The following CSMD3 variants were observed in gnomAD, a reference collection of about 807,000 sequenced individuals.
CSMD3 encodes the protein CUB and sushi domain-containing protein 3.
A neutral mutation model predicts 435.2 loss-of-function variants in CSMD3; 177 were observed. That is an observed-to-expected ratio of 0.41 (90% confidence interval 0.36 to 0.46). The LOEUF (loss-of-function observed/expected upper bound fraction) is 0.46. CSMD3 is among the 20% of genes least tolerant of loss of function. CSMD3 has a pLI of 0.34. For synonymous variants in CSMD3, 1,656 were observed against 1,520.5 expected (o/e 1.09, Z -2.07); for missense variants, 4,265 against 4,504.6 (o/e 0.95, Z 1.52).
At chr8:112,433,028 G>A (rs1005650624) in intron 32 of CSMD3, among the ~76,000 whole-genome samples, 6 of 151,930 alleles carry the variant, frequency 3.9e-5, no homozygotes, top group Non-Finnish European at 8.8e-5. Context: ...ACTATTAACT[G>A]AGATCAAATT....
intron 13 of CSMD3, among the ~76,000 whole-genome samples, chr8:112,776,462 A>G (rs1036198726): frequency 6.6e-6 from 1 of 151,770 alleles, no homozygotes; most frequent in Non-Finnish European, 1.5e-5. Flanking sequence ...GATATAATTT[A>G]CTTTCTTTCA....
chr8:113,019,210 T>G (rs1564214875), intron 5 of CSMD3, 31 bp from the exon 6 acceptor site: 6 of 1,446,278 alleles, frequency 4.1e-6, no homozygotes, highest in South Asian at 1.1e-5. Context: ...ACAAAAAAAT[T>G]TAAAAAGCTT....
chr8:113,009,503 T>C lies in CSMD3; in HGVS notation c.1030+9564A>G, dbSNP rs571410192. Reference sequence around the variant, plus strand: ...CTTAGCTTCTATGGCCATTTCCTGCTACTAAAACATCTGCTTTGAAAAAAA... The same window carrying C: ...CTTAGCTTCTATGGCCATTTCCTGCCACTAAAACATCTGCTTTGAAAAAAA... On this transcript the variant is annotated intron_variant, in intron 6 of 70. Coordinates refer to ENST00000297405, the MANE Select transcript of CSMD3 (RefSeq NM_198123.2). Among the ~76,000 whole-genome samples, 8 of 151,952 alleles carry C rather than the reference T, an allele frequency of 5.3e-5. No individual in the cohort carries two copies. The South Asian group carries it at 1.7e-3, about 31-fold the overall frequency.
At chr8:112,467,958 A>G (rs1383881354) in intron 32 of CSMD3, among the ~76,000 whole-genome samples, 1 of 152,140 alleles carries the variant, frequency 6.6e-6, no homozygotes, top group African/African-American at 2.4e-5. Flanking sequence ...AAATGAAGCC[A>G]CTAAGCCTGT....
At chr8:112,274,131 G>C (rs1429007605) in intron 59 of CSMD3, among the ~76,000 whole-genome samples, 1 of 151,378 alleles carries the variant, frequency 6.6e-6, no homozygotes, top group Non-Finnish European at 1.5e-5. Context: ...TTCTAAGTAA[G>C]TAAGAGGAAT....
intron 22 of CSMD3, among the ~76,000 whole-genome samples, chr8:112,622,769 G>C (rs1347778863): frequency 2.0e-5 from 3 of 152,154 alleles, no homozygotes; most frequent in Non-Finnish European, 4.4e-5. Context: ...TACTGGAGAT[G>C]ATGATGATAG....
chr8:113,408,694 G>T (rs1182788722), intron 1 of CSMD3, among the ~76,000 whole-genome samples: 1 of 148,624 alleles, frequency 6.7e-6, no homozygotes, highest in African/African-American at 2.5e-5. Context: ...TGCTCGCTCT[G>T]TTGTTCAGGT....
chr8:113,433,003 A>T (rs1002125329), intron 1 of CSMD3, among the ~76,000 whole-genome samples: 4 of 152,156 alleles, frequency 2.6e-5, no homozygotes, highest in African/African-American at 9.7e-5. Flanking sequence ...TGTCCATGAA[A>T]ATTCAGGGAG....
At chr8:112,370,107 G>T (rs929355182) in intron 38 of CSMD3, among the ~76,000 whole-genome samples, 1 of 147,496 alleles carries the variant, frequency 6.8e-6, no homozygotes, top group African/African-American at 2.6e-5. Flanking sequence ...TAGTAGTCAG[G>T]TATTTGTATA....
At chr8:113,374,294 A>C (rs1220786611) in intron 1 of CSMD3, among the ~76,000 whole-genome samples, 1 of 152,110 alleles carries the variant, frequency 6.6e-6, no homozygotes, top group Admixed American at 6.5e-5. Context: ...TAAGATTTAA[A>C]ATAAAAATTT....
At chr8:113,254,139 A>G (rs891897628) in intron 3 of CSMD3, among the ~76,000 whole-genome samples, 1 of 151,632 alleles carries the variant, frequency 6.6e-6, no homozygotes, top group East Asian at 2.0e-4. Flanking sequence ...TCTCAATGTC[A>G]TGCTGTACAT....
chr8:113,327,863 G>T (rs997857905), intron 1 of CSMD3, among the ~76,000 whole-genome samples: 5 of 152,010 alleles, frequency 3.3e-5, no homozygotes, highest in African/African-American at 4.8e-5. Flanking sequence ...AACATAAAAG[G>T]AAGGTCTGGG....
chr8:112,934,767 G>A (rs1231285029), intron 9 of CSMD3, among the ~76,000 whole-genome samples: 1 of 152,122 alleles, frequency 6.6e-6, no homozygotes, highest in Non-Finnish European at 1.5e-5. Context: ...GGGACACTGT[G>A]ATGCAAAAAT....
chr8:113,028,833 C>T (rs1393423062), intron 5 of CSMD3, among the ~76,000 whole-genome samples: 1 of 151,528 alleles, frequency 6.6e-6, no homozygotes, highest in Non-Finnish European at 1.5e-5. Flanking sequence ...AATATAAGTG[C>T]AAGGTGCATC....
chr8:112,313,608 A>AT (rs1822189706), intron 49 of CSMD3, among the ~76,000 whole-genome samples: 1 of 152,190 alleles, frequency 6.6e-6, no homozygotes, highest in Non-Finnish European at 1.5e-5. Flanking sequence ...CTTTTTTAGG[A>AT]TTTTTTAGTC....
intron 9 of CSMD3, among the ~76,000 whole-genome samples, chr8:112,944,240 G>A (rs541974899): frequency 2.0e-5 from 3 of 151,616 alleles, no homozygotes; most frequent in African/African-American, 7.2e-5. Flanking sequence ...TTAAACATGA[G>A]CTTTCTCATC....
rs77285179 is a variant in CSMD3 at position 112,237,885 on chromosome 8, G to A, written c.10469-537C>T. On this transcript the variant is annotated intron_variant, in intron 66 of 70. Coordinates refer to ENST00000297405, the MANE Select transcript of CSMD3 (RefSeq NM_198123.2). ...ACAGGTGCTCCTGAAGAAGAACAGG[G>A]CTGCACCATATTGATAGCTTTGAGG... 1.9e-3 allele frequency among the ~76,000 whole-genome samples: 296 copies of A among 152,120 alleles called. 1 individual carries two copies. The highest frequency in any genetic ancestry group is 6.7e-3 in the African/African-American group (278 of 41,534).
At chr8:112,348,458 A>T (rs1185083553) in intron 40 of CSMD3, among the ~76,000 whole-genome samples, 1 of 152,212 alleles carries the variant, frequency 6.6e-6, no homozygotes, top group Non-Finnish European at 1.5e-5. Context: ...CTAGTGTTTT[A>T]AGACATTCGC....
At chr8:112,959,819 A>G (rs2084163288) in intron 7 of CSMD3, among the ~76,000 whole-genome samples, 1 of 152,058 alleles carries the variant, frequency 6.6e-6, no homozygotes, top group East Asian at 1.9e-4. Flanking sequence ...TATTTACATG[A>G]GTACTAAGAC....
Sources: gnomAD v4.1 joint callset for allele counts (sites outside exome capture counted in the v4.1 genomes callset) on GRCh38, gnomAD v4.1.1 for gene constraint, MANE v1.5 for transcripts, NCBI Gene and HGNC (gene_info 2026-07-23, HGNC 2026-07-21) for gene names.